The following TP63 variants were observed in gnomAD, a reference collection of about 807,000 sequenced individuals.
The protein encoded by TP63 is tumor protein 63.
In TP63, 17 loss-of-function variants were observed where a neutral mutation model predicts 82.8. The ratio of observed to expected loss-of-function variants is 0.21; its 90% CI spans 0.14 to 0.31. The LOEUF (loss-of-function observed/expected upper bound fraction) is 0.31, where lower values mean the gene tolerates loss of function less well. TP63 is among the 10% of genes least tolerant of loss of function. TP63 has a pLI of 1.00. For synonymous variants in TP63, 330 were observed against 321.7 expected (o/e 1.03, Z -0.28); for missense variants, 648 against 895.3 (o/e 0.72, Z 3.52).
intron 10 of TP63, chr3:189,880,106 G>A (rs765901856): frequency 1.2e-6 from 2 of 1,613,850 alleles, no homozygotes; most frequent in Non-Finnish European, 1.7e-6. Context: ...TGGAGCCCCG[G>A]AGAGAAACTC....
chr3:189,706,711 T>C (rs926929083), intron 1 of TP63, among the ~76,000 whole-genome samples: 3 of 152,198 alleles, frequency 2.0e-5, no homozygotes, highest in African/African-American at 7.2e-5. Flanking sequence ...TGCTATATCC[T>C]ATGTATCAGC....
At chr3:189,738,449 G>T (rs1488354002) in intron 2 of TP63, among the ~76,000 whole-genome samples, 193 bp from the exon 3 acceptor site, 2 of 152,170 alleles carry the variant, frequency 1.3e-5, no homozygotes, top group Non-Finnish European at 2.9e-5. Flanking sequence ...ACAAGTGGGG[G>T]TTGGATTTGA....
rs148427457 is a variant in TP63, at chr3:189,833,567, G to A, written c.579+25041G>A. ...ACTTGAGACCTACCAATCTGTCCAC[G>A]TTGACAAAATAGATCCAATACTAAA... On this transcript the variant is annotated intron_variant, in intron 4 of 13. Coordinates refer to ENST00000264731, the MANE Select transcript of TP63 (RefSeq NM_003722.5). 3.4e-4 allele frequency among the ~76,000 whole-genome samples: 51 copies of A among 152,198 alleles called. 2 individuals carry two copies. The highest frequency in any genetic ancestry group is 1.2e-3 in the African/African-American group (49 of 41,514).
At chr3:189,841,559 A>G (rs1714121970) in intron 4 of TP63, among the ~76,000 whole-genome samples, 2 of 152,208 alleles carry the variant, frequency 1.3e-5, no homozygotes, top group Non-Finnish European at 2.9e-5. Flanking sequence ...AGATGTACAA[A>G]TGAAACTCCA....
intron 1 of TP63, among the ~76,000 whole-genome samples, chr3:189,732,822 C>T (rs1028178038): frequency 5.3e-5 from 8 of 152,180 alleles, no homozygotes; most frequent in Non-Finnish European, 7.3e-5. Flanking sequence ...ATGTTTCACC[C>T]ACAAATTACC....
At chr3:189,609,606 TC>T in the TP63 span, among the ~76,000 whole-genome samples, 2 of 152,096 alleles carry the variant, frequency 1.3e-5, no homozygotes, top group Admixed American at 6.6e-5. Flanking sequence ...ATCATTTAGC[TC>T]CCCTTATAAG....
intron 4 of TP63, among the ~76,000 whole-genome samples, chr3:189,845,565 T>A (rs1266351168): frequency 1.3e-5 from 2 of 152,036 alleles, no homozygotes; most frequent in Non-Finnish European, 2.9e-5. Flanking sequence ...TAAATTCAAA[T>A]TCATTCAGAA....
chr3:189,770,682 T>C (rs1253848961), intron 3 of TP63, among the ~76,000 whole-genome samples: 1 of 152,218 alleles, frequency 6.6e-6, no homozygotes, highest in African/African-American at 2.4e-5. Context: ...TGTCCCTTCT[T>C]TTTCATTTTA....
intron 1 of TP63, among the ~76,000 whole-genome samples, chr3:189,682,547 AAAAAAAATAT>A (rs1430398444): frequency 7.2e-5 from 2 of 27,744 alleles, no homozygotes; most frequent in African/African-American, 1.8e-4. Context: ...AAAAAAAAAA[AAAAAAAATAT>A]ATATATATAT....
chr3:189,830,758 A>G (rs6810297), intron 4 of TP63, among the ~76,000 whole-genome samples: 63,661 of 151,922 alleles, frequency 0.42, 13,422 homozygotes, highest in East Asian at 0.54. Context: ...TTAATATGTG[A>G]CGCAAGAAAA....
chr3:189,743,523 A>AC (rs1721152277), intron 3 of TP63, among the ~76,000 whole-genome samples: 1 of 143,146 alleles, frequency 7.0e-6, no homozygotes, highest in Non-Finnish European at 1.5e-5. Flanking sequence ...CACACACACA[A>AC]ACATACACAC....
chr3:189,895,235 T>C lies in TP63; in HGVS notation c.*733T>C, dbSNP rs772040980. The C allele has an allele frequency of 5.9e-5, 13 of 221,650 alleles. No homozygotes were observed. The highest frequency in any genetic ancestry group is 1.1e-4 in the Non-Finnish European group (12 of 110,930). 13.7% of individuals were successfully genotyped at this position (221,650 alleles called of 1,614,324 possible). On this transcript the variant is annotated 3_prime_UTR_variant, in exon 14 of 14. Transcript: ENST00000264731. ...TTCACGTTGGGGTGATTTAATCCAGTTATAAGAAGAAGTTCATGTCCAAAC... is the reference window on the plus strand; with the variant it reads ...TTCACGTTGGGGTGATTTAATCCAGCTATAAGAAGAAGTTCATGTCCAAAC...
chr3:189,622,334 T>A, the TP63 span, among the ~76,000 whole-genome samples: 1 of 152,194 alleles, frequency 6.6e-6, no homozygotes, highest in African/African-American at 2.4e-5. Flanking sequence ...ATTATGAATC[T>A]TTTTGAGAGT....
At chr3:189,615,613 C>A in the TP63 span, among the ~76,000 whole-genome samples, 1 of 152,292 alleles carries the variant, frequency 6.6e-6, no homozygotes, top group East Asian at 1.9e-4. Flanking sequence ...AGTTTCCACT[C>A]CCATATGTCC....
chr3:189,808,559 C>T (rs1410734990), intron 4 of TP63, 33 bp downstream of exon 4: 1 of 1,611,292 alleles, frequency 6.2e-7, no homozygotes, highest in East Asian at 2.2e-5. Flanking sequence ...TACCTGACCC[C>T]CCAAGTCCAA....
intron 1 of TP63, among the ~76,000 whole-genome samples, chr3:189,661,026 G>C (rs1713833819): frequency 6.6e-6 from 1 of 151,924 alleles, no homozygotes; most frequent in Non-Finnish European, 1.5e-5. Flanking sequence ...AGCAAAGAGA[G>C]ACTTTGACTT....
rs1712733665 is a variant in TP63 at position 189,649,746 on chromosome 3, G to C, written c.62+18169G>C. ...GAGATCTGAGCGACATGGATCTGAGGGGAATGAGGATGGAACTTGGTAGAG... is the reference window on the plus strand; with the variant it reads ...GAGATCTGAGCGACATGGATCTGAGCGGAATGAGGATGGAACTTGGTAGAG... On this transcript the variant is annotated intron_variant, in intron 1 of 13. Coordinates refer to ENST00000264731, the MANE Select transcript of TP63 (RefSeq NM_003722.5). Among the ~76,000 whole-genome samples, 3 of 146,832 alleles carry C rather than the reference G, an allele frequency of 2.0e-5. 1 individual carries two copies. Among genetic ancestry groups the C allele is most frequent in the African/African-American group, 7.7e-5 (3 of 39,186 alleles).
intron 3 of TP63, among the ~76,000 whole-genome samples, chr3:189,740,184 T>C (rs1720882970): frequency 6.6e-6 from 1 of 152,188 alleles, no homozygotes; most frequent in South Asian, 2.1e-4. Flanking sequence ...CTTGAGCCAA[T>C]GAAATGAAAC....
intron 10 of TP63, among the ~76,000 whole-genome samples, chr3:189,877,370 A>G (rs1315968067): frequency 6.6e-6 from 1 of 152,214 alleles, no homozygotes; most frequent in Admixed American, 6.5e-5. Flanking sequence ...AGACCTATTT[A>G]GCAACGTTTT....
Sources: gnomAD v4.1 joint callset for allele counts (sites outside exome capture counted in the v4.1 genomes callset) on GRCh38, gnomAD v4.1.1 for gene constraint, MANE v1.5 for transcripts, NCBI Gene and HGNC (gene_info 2026-07-23, HGNC 2026-07-21) for gene names.